Variants in CDK5RAP2 observed in about 807,000 individuals in gnomAD.
The protein encoded by CDK5RAP2 is CDK5 regulatory subunit-associated protein 2.
In CDK5RAP2, 147 loss-of-function variants were observed where a neutral mutation model predicts 232.9. The ratio of observed to expected loss-of-function variants is 0.63; its 90% CI spans 0.55 to 0.72. The LOEUF (loss-of-function observed/expected upper bound fraction) is 0.72. Ranked by LOEUF, CDK5RAP2 falls within the 30% of genes least tolerant of loss-of-function variation. The pLI is 0.00. For synonymous variants in CDK5RAP2, 833 were observed against 833.7 expected, an observed-to-expected ratio of 1.00 and a Z score of 0.01; for missense variants, 2,195 against 2,231.5, an observed-to-expected ratio of 0.98 and a Z score of 0.33.
chr9:120,541,096 C>A (rs577506436), intron 5 of CDK5RAP2, among the ~76,000 whole-genome samples: 2 of 152,274 alleles, frequency 1.3e-5, no homozygotes, highest in East Asian at 1.9e-4. Context: ...CCTTCCTTCC[C>A]GAGCCTTGGC....
intron 1 of CDK5RAP2, among the ~76,000 whole-genome samples, chr9:120,573,340 G>C (rs1186952690): frequency 6.6e-6 from 1 of 152,162 alleles, no homozygotes; most frequent in Non-Finnish European, 1.5e-5. Flanking sequence ...CTTGAGATCA[G>C]GAGTTCGAGA....
In CDK5RAP2 at chr9:120,491,327, G is replaced by T. The variant is rs772660682; in HGVS notation, c.1462C>A (p.Gln488Lys). The stretch of plus-strand genomic sequence containing the variant: ...AGTACCTGAAGCAACACGTCCTTCT[G>T]ATTGGTACTTTCTGTTAGATGTTTG... ...VIKHLTESTN[Q>K]KDVLLQKFNE... Residue 488 changes from glutamine to lysine, a missense_variant, in exon 13 of 38, where the codon CAG (glutamine) becomes AAG (lysine). Physicochemically the swap from Gln to Lys is moderately conservative, Grantham distance 53. Transcript: ENST00000349780. The T allele has an allele frequency of 5.0e-6, 8 of 1,613,410 alleles. No homozygotes were observed. Among genetic ancestry groups the T allele is most frequent in the Non-Finnish European group, 6.8e-6 (8 of 1,179,602 alleles).
At chr9:120,396,135 A>G (rs2032445435) in intron 35 of CDK5RAP2, among the ~76,000 whole-genome samples, 1 of 152,270 alleles carries the variant, frequency 6.6e-6, no homozygotes, top group African/African-American at 2.4e-5. Context: ...TAAGGTACAT[A>G]TCATTTTTGA....
intron 21 of CDK5RAP2, among the ~76,000 whole-genome samples, chr9:120,449,797 T>C (rs1221279849): frequency 6.6e-6 from 1 of 152,020 alleles, no homozygotes; most frequent in Non-Finnish European, 1.5e-5. Context: ...CCAAGGAAAA[T>C]GTAAATCAAA....
intron 4 of CDK5RAP2, among the ~76,000 whole-genome samples, chr9:120,546,987 G>GT (rs34579024): frequency 0.86 from 129,446 of 151,092 alleles, 56,397 homozygotes; most frequent in Non-Finnish European, 0.94. Flanking sequence ...TTGTTTTTTC[G>GT]TTTTTTTTGT....
At chr9:120,577,574 T>C (rs151338882) in intron 1 of CDK5RAP2, among the ~76,000 whole-genome samples, 1 of 152,222 alleles carries the variant, frequency 6.6e-6, no homozygotes, top group Admixed American at 6.5e-5. Flanking sequence ...TAAGATGGAA[T>C]GTATGCAGTA....
intron 12 of CDK5RAP2, among the ~76,000 whole-genome samples, chr9:120,508,709 C>T (rs1275781096): frequency 6.6e-6 from 1 of 152,226 alleles, no homozygotes; most frequent in Non-Finnish European, 1.5e-5. Context: ...AGCTACCTAT[C>T]CTTCAAGTCT....
At position 120,519,168 on chromosome 9, in the gene CDK5RAP2, C is replaced by T. The variant is rs558865708; in HGVS notation, c.1093-523G>A. 4.9e-3 allele frequency among the ~76,000 whole-genome samples: 715 copies of T among 145,034 alleles called. 9 individuals are homozygous for T. The highest frequency in any genetic ancestry group is 0.018 in the African/African-American group (684 of 38,818). On this transcript the variant is annotated intron_variant, in intron 11 of 37. Coordinates refer to ENST00000349780, the MANE Select transcript of CDK5RAP2 (RefSeq NM_018249.6). ...CAGCCTGGGTGACAGAGCGAGACTC[C>T]GTCTCAAAAAAAAAAAAAGAAAAAA...
At chr9:120,459,568 G>A (rs1348866945) in intron 19 of CDK5RAP2, among the ~76,000 whole-genome samples, 1 of 152,168 alleles carries the variant, frequency 6.6e-6, no homozygotes, top group Non-Finnish European at 1.5e-5. Context: ...AGAAGGAAAT[G>A]TCTAGAATAA....
chr9:120,447,168 G>A (rs928252978), intron 22 of CDK5RAP2, among the ~76,000 whole-genome samples: 2 of 152,170 alleles, frequency 1.3e-5, no homozygotes, highest in African/African-American at 4.8e-5. Flanking sequence ...AAAATTAGGA[G>A]TCAACATATG....
At chr9:120,407,345 C>T in intron 31 of CDK5RAP2, 97 bp from the exon 32 acceptor site, 2 of 875,910 alleles carry the variant, frequency 2.3e-6, no homozygotes, top group South Asian at 1.3e-5. Flanking sequence ...CCACCACCAT[C>T]GCCCTCCCCC....
chr9:120,451,634 G>T (rs1433156776), intron 21 of CDK5RAP2, among the ~76,000 whole-genome samples: 1 of 151,988 alleles, frequency 6.6e-6, no homozygotes, highest in Admixed American at 6.5e-5. Context: ...AGGCCATGGT[G>T]GTGATTGGAG....
At chr9:120,435,988 C>T (rs1011823399) in intron 25 of CDK5RAP2, among the ~76,000 whole-genome samples, 1 of 152,162 alleles carries the variant, frequency 6.6e-6, no homozygotes, top group East Asian at 1.9e-4. Flanking sequence ...TGGTAAAACT[C>T]ATGGTAGAAG....
At position 120,443,611 on chromosome 9, in the gene CDK5RAP2, A is replaced by T. The variant is rs767943474; in HGVS notation, c.3148+9T>A. On this transcript the variant is annotated intron_variant, in intron 23 of 37. Transcript: ENST00000349780. ...AGCTGTTCAATACACACAGGGGCTG[A>T]ATTCTGACCAATCTCGTAGCTTCTT... 2 of 1,614,052 alleles carry T rather than the reference A, an allele frequency of 1.2e-6. No homozygotes were observed. The highest frequency in any genetic ancestry group is 1.7e-6 in the Non-Finnish European group (2 of 1,179,924).
intron 14 of CDK5RAP2, among the ~76,000 whole-genome samples, chr9:120,479,528 T>C (rs1432230579): frequency 6.6e-6 from 1 of 152,196 alleles, no homozygotes; most frequent in African/African-American, 2.4e-5. Flanking sequence ...AATCCAACTG[T>C]GTACCATCAG....
intron 3 of CDK5RAP2, among the ~76,000 whole-genome samples, chr9:120,556,692 G>A (rs1325803041): frequency 3.3e-5 from 5 of 152,114 alleles, no homozygotes; most frequent in South Asian, 4.1e-4. Context: ...GCCTCCCAAC[G>A]TGCTGGGATT....
chr9:120,439,955 G>A lies in CDK5RAP2; in HGVS notation c.3166C>T (p.Pro1056Ser). The A allele has an allele frequency of 1.9e-6, 3 of 1,613,846 alleles. No individual in the cohort carries two copies. Among genetic ancestry groups the A allele is most frequent in the African/African-American group, 1.3e-5 (1 of 75,022 alleles). The change falls in exon 24 of 38, where the codon CCT (proline) becomes TCT (serine). Residue 1056 changes from proline (P) to serine (S), a missense_variant. Coordinates refer to ENST00000349780, the MANE Select transcript of CDK5RAP2 (RefSeq NM_018249.6). ...GATGGCAAGCTGGCAAGGTCATCAG[G>A]TGGGCAAATCTCAGAGTCTGAAAAT... ...SYEIDSEICP[P>S]DDLASLPSCK...
chr9:120,579,909 C>CCCGG lies in CDK5RAP2; in HGVS notation c.59+7_59+10dup. ...GCCCGGTTACCACGACCACCAATGC[C>CCCGG]CCGGCCGCACCTGCAGCCGCTGAGC... On this transcript the variant is annotated intron_variant, in intron 1 of 37. Transcript: ENST00000349780. 1 of 1,610,216 alleles carries CCCGG rather than the reference C, an allele frequency of 6.2e-7. No individual in the cohort carries two copies. Among genetic ancestry groups the CCCGG allele is most frequent in the East Asian group, 2.2e-5 (1 of 44,864 alleles).
At chr9:120,416,853 G>C (rs1317654319) in intron 27 of CDK5RAP2, among the ~76,000 whole-genome samples, 1 of 152,156 alleles carries the variant, frequency 6.6e-6, no homozygotes, top group Non-Finnish European at 1.5e-5. Flanking sequence ...CCTCCAAAAT[G>C]ACTTTCATTT....
Sources: gnomAD v4.1 joint callset for allele counts (sites outside exome capture counted in the v4.1 genomes callset) on GRCh38, gnomAD v4.1.1 for gene constraint, MANE v1.5 for transcripts, NCBI Gene and HGNC (gene_info 2026-07-23, HGNC 2026-07-21) for gene names.